The following WWOX variants were observed in gnomAD, a reference collection of about 807,000 sequenced individuals.
WWOX encodes the protein WW domain containing oxidoreductase, also known as WW domain-containing oxidoreductase.
In WWOX, 69 loss-of-function variants were observed where a neutral mutation model predicts 46.2. The ratio of observed to expected loss-of-function variants is 1.49; its 90% CI spans 1.23 to 1.82. WWOX has a LOEUF of 1.82. WWOX is among the 40% of genes most tolerant of loss of function. The probability of loss-of-function intolerance (pLI) is 0.00; values close to 1 mark genes in which losing one functional copy is unlikely to be tolerated. For synonymous variants in WWOX, 359 were observed against 202.6 expected, an observed-to-expected ratio of 1.77 and a Z score of -6.56; for missense variants, 919 against 542.6, an observed-to-expected ratio of 1.69 and a Z score of -6.89.
intron 8 of WWOX, among the ~76,000 whole-genome samples, chr16:78,721,719 C>G (rs1042901011): frequency 2.0e-5 from 3 of 152,214 alleles, no homozygotes; most frequent in Admixed American, 6.5e-5. Flanking sequence ...CAGTAGCATC[C>G]TCACAGAGTT....
At chr16:78,333,193 G>A (rs2080805255) in intron 5 of WWOX, among the ~76,000 whole-genome samples, 1 of 151,450 alleles carries the variant, frequency 6.6e-6, no homozygotes, top group African/African-American at 2.4e-5. Flanking sequence ...TGGGACTACA[G>A]GAGCATACTC....
At chr16:78,418,322 C>A (rs952612708) in intron 6 of WWOX, among the ~76,000 whole-genome samples, 1 of 151,916 alleles carries the variant, frequency 6.6e-6, no homozygotes, top group South Asian at 2.1e-4. Flanking sequence ...CGAGATTGCA[C>A]CACTGCACTC....
intron 8 of WWOX, among the ~76,000 whole-genome samples, chr16:78,700,727 C>G (rs2048197039): frequency 6.6e-6 from 1 of 152,146 alleles, no homozygotes; most frequent in African/African-American, 2.4e-5. Flanking sequence ...GTCTTGTTGG[C>G]CACAGCCTCT....
At chr16:78,468,475 G>T (rs989743460) in intron 8 of WWOX, among the ~76,000 whole-genome samples, 1 of 152,020 alleles carries the variant, frequency 6.6e-6, no homozygotes, top group Non-Finnish European at 1.5e-5. Context: ...TTTGCTTCCA[G>T]CCATCCCATG....
intron 8 of WWOX, among the ~76,000 whole-genome samples, chr16:78,679,544 C>T (rs916004521): frequency 6.6e-6 from 1 of 152,018 alleles, no homozygotes; most frequent in Admixed American, 6.6e-5. Flanking sequence ...GAGTGAGACT[C>T]CATCTCAAAA....
chr16:78,781,732 A>T (rs11150101), intron 8 of WWOX, among the ~76,000 whole-genome samples: 1 of 151,860 alleles, frequency 6.6e-6, no homozygotes. Context: ...CTGAGATGGC[A>T]CCCCTGCACT....
chr16:78,230,274 G>A (rs934462790), intron 5 of WWOX, among the ~76,000 whole-genome samples: 1 of 152,172 alleles, frequency 6.6e-6, no homozygotes, highest in Non-Finnish European at 1.5e-5. Context: ...CAAACAGTGA[G>A]AATAGCTGCA....
chr16:78,501,214 T>G (rs1177136483), intron 8 of WWOX, among the ~76,000 whole-genome samples: 1 of 146,966 alleles, frequency 6.8e-6, no homozygotes, highest in East Asian at 2.0e-4. Flanking sequence ...TTTGAAAAAC[T>G]TTTTTGGAGC....
chr16:78,574,026 C>A (rs1466544261), intron 8 of WWOX, among the ~76,000 whole-genome samples: 2 of 152,156 alleles, frequency 1.3e-5, no homozygotes, highest in Non-Finnish European at 2.9e-5. Flanking sequence ...TCCCAAATCA[C>A]CCAGATTACT....
At chr16:79,025,395 A>C (rs572142140) in intron 8 of WWOX, among the ~76,000 whole-genome samples, 1 of 152,346 alleles carries the variant, frequency 6.6e-6, no homozygotes, top group South Asian at 2.1e-4. Context: ...TGAGGATCTC[A>C]AAACGAGGTC....
chr16:79,110,974 T>G (rs532423208), intron 8 of WWOX: 2 of 152,342 alleles, frequency 1.3e-5, no homozygotes, highest in African/African-American at 4.8e-5. Flanking sequence ...AATGGCAGAT[T>G]TTCCCCCTTC....
chr16:78,840,961 G>T (rs2151168574), intron 8 of WWOX, among the ~76,000 whole-genome samples: 1 of 152,178 alleles, frequency 6.6e-6, no homozygotes, highest in South Asian at 2.1e-4. Context: ...TGGAAATTTG[G>T]AAAGGCATTT....
At chr16:78,725,487 A>G (rs1376896682) in intron 8 of WWOX, among the ~76,000 whole-genome samples, 1 of 149,430 alleles carries the variant, frequency 6.7e-6, no homozygotes, top group Non-Finnish European at 1.5e-5. Context: ...AGCTGGGATT[A>G]TAGGCATCTG....
chr16:78,589,518 C>G (rs138278148), intron 8 of WWOX, among the ~76,000 whole-genome samples: 4 of 152,322 alleles, frequency 2.6e-5, no homozygotes, highest in Non-Finnish European at 1.5e-5. Context: ...CCATGGCACT[C>G]AAGAGTCCAC....
intron 8 of WWOX, among the ~76,000 whole-genome samples, chr16:78,566,232 C>T (rs1361636847): frequency 6.6e-6 from 1 of 152,150 alleles, no homozygotes; most frequent in African/African-American, 2.4e-5. Flanking sequence ...CTCCCAAAGC[C>T]CCACCTCCAA....
At chr16:79,169,814 C>T (rs1476089357) in intron 8 of WWOX, among the ~76,000 whole-genome samples, 1 of 152,132 alleles carries the variant, frequency 6.6e-6, no homozygotes, top group Non-Finnish European at 1.5e-5. Flanking sequence ...TTTTTCCTGA[C>T]TCTAAATAGT....
chr16:79,099,984 C>T (rs1036955795), intron 8 of WWOX, among the ~76,000 whole-genome samples: 1 of 152,200 alleles, frequency 6.6e-6, no homozygotes, highest in African/African-American at 2.4e-5. Flanking sequence ...AGCTGCTATC[C>T]ACAGGCAGAA....
chr16:78,261,776 CTATCTATCTATCTATA>C (rs1244736036), intron 5 of WWOX, among the ~76,000 whole-genome samples: 28 of 38,372 alleles, frequency 7.3e-4, no homozygotes, highest in African/African-American at 3.5e-3. Flanking sequence ...ATCTATGTAT[CTATCTATCTATCTATA>C]TATATATATA....
At chr16:78,560,750 GT>G (rs2044416621) in intron 8 of WWOX, among the ~76,000 whole-genome samples, 1 of 152,160 alleles carries the variant, frequency 6.6e-6, no homozygotes, top group Non-Finnish European at 1.5e-5. Flanking sequence ...TGGTGATTGA[GT>G]TTTTGTGTTA....
Sources: allele counts gnomAD v4.1 joint callset (sites outside exome capture counted in the v4.1 genomes callset), GRCh38; gene constraint gnomAD v4.1.1; transcripts MANE v1.5; gene names NCBI Gene and HGNC (gene_info 2026-07-23, HGNC 2026-07-21).